HGF: variants seen among roughly 807,000 people sequenced by gnomAD.
The protein encoded by HGF is hepatocyte growth factor, also known as fibroblast-derived tumor cytotoxic factor.
A neutral mutation model predicts 111.6 loss-of-function variants in HGF; 39 were observed. That is an observed-to-expected ratio of 0.35 (90% confidence interval 0.27 to 0.46). The LOEUF is 0.46. Ranked by LOEUF, HGF falls within the 20% of genes least tolerant of loss-of-function variation. HGF has a pLI of 1.00. For missense variants in HGF, 735 were observed against 910.5 expected (o/e 0.81, Z 2.48); for synonymous variants, 285 against 294.8 (o/e 0.97, Z 0.34).
intron 7 of HGF, among the ~76,000 whole-genome samples, chr7:81,740,826 G>A (rs1184931622): frequency 6.6e-6 from 1 of 152,216 alleles, no homozygotes; most frequent in Non-Finnish European, 1.5e-5. Context: ...GACCTGAGGT[G>A]AGGTAGGCAC....
intron 1 of HGF, among the ~76,000 whole-genome samples, chr7:81,764,297 C>T (rs536014278): frequency 1.7e-3 from 256 of 152,194 alleles, no homozygotes; most frequent in African/African-American, 5.9e-3. Context: ...AGAGAAAACA[C>T]GAGGTCCTCT....
At chr7:81,763,416 T>C (rs1310219913) in intron 1 of HGF, among the ~76,000 whole-genome samples, 1 of 152,184 alleles carries the variant, frequency 6.6e-6, no homozygotes, top group Non-Finnish European at 1.5e-5. Flanking sequence ...CTTTAGTGCA[T>C]AAATGTTTTC....
rs541478062 is a variant in HGF at position 81,710,362 on chromosome 7, G to T, written c.1445-119C>A. On this transcript the variant is annotated intron_variant, in intron 12 of 17. Coordinates refer to ENST00000222390, the MANE Select transcript of HGF (RefSeq NM_000601.6). ...TGTAACTATTCTTATTGTGTCCAAA[G>T]AACAGTTTGGTGAAAGAGAAGTTTA... 1.1e-5 allele frequency: 8 copies of T among 743,270 alleles called. No individual in the cohort carries two copies. In the East Asian group the frequency reaches 1.9e-4, roughly 17 times the overall value. 46.0% of individuals were successfully genotyped at this position (743,270 alleles called of 1,614,324 possible). A position where few individuals can be genotyped will look rare whatever the true frequency, so the allele number is the denominator to read the frequency against.
rs1025835753 is a variant in HGF, at chr7:81,700,679, T to G, written c.*1902A>C. ...TCTTGAAATTTCTAGGAGTTCTTACTAAAATGGTGTATTATATAAGGAAAA... is the reference window on the plus strand; with the variant it reads ...TCTTGAAATTTCTAGGAGTTCTTACGAAAATGGTGTATTATATAAGGAAAA... On this transcript the variant is annotated 3_prime_UTR_variant, in exon 18 of 18. Transcript: ENST00000222390. 6.6e-6 allele frequency: 1 copy of G among 151,602 alleles called. No individual in the cohort carries two copies. Among genetic ancestry groups the G allele is most frequent in the African/African-American group, 2.4e-5 (1 of 41,398 alleles). The allele number at this position is 151,602 out of a possible 1,614,324, so 9.4% of individuals were successfully genotyped here.
chr7:81,722,148 C>G (rs1789881404), intron 9 of HGF, among the ~76,000 whole-genome samples: 1 of 151,944 alleles, frequency 6.6e-6, no homozygotes, highest in Non-Finnish European at 1.5e-5. Flanking sequence ...TCCTGTTATT[C>G]ATTTTGATGC....
Position 81,719,873 on chromosome 7 carries a change from T to C in HGF, c.1271+872A>G, listed in dbSNP as rs1480565327. 2.0e-5 allele frequency among the ~76,000 whole-genome samples: 3 copies of C among 152,184 alleles called. No individual in the cohort carries two copies. The East Asian group carries it at 5.8e-4, about 29-fold the overall frequency. On this transcript the variant is annotated intron_variant, in intron 10 of 17. Coordinates refer to ENST00000222390, the MANE Select transcript of HGF (RefSeq NM_000601.6). Reference sequence around the variant, plus strand: ...CACTCCATCTCTCTGAGCCCTTAAATTCCTATCCACATATGAATCTTTCCT... The same window carrying C: ...CACTCCATCTCTCTGAGCCCTTAAACTCCTATCCACATATGAATCTTTCCT...
chr7:81,703,754 G>A (rs531028113), intron 17 of HGF, among the ~76,000 whole-genome samples: 8 of 151,662 alleles, frequency 5.3e-5, no homozygotes, highest in East Asian at 1.9e-4. Context: ...CCTAAACAGC[G>A]ATGGGGGAAA....
At chr7:81,768,917 T>C (rs5745618) in intron 1 of HGF, among the ~76,000 whole-genome samples, 3 of 152,178 alleles carry the variant, frequency 2.0e-5, no homozygotes, top group Admixed American at 6.5e-5. Context: ...TATCAAAAAC[T>C]AGATCAAAGG....
At chr7:81,763,562 G>A (rs765003771) in intron 1 of HGF, among the ~76,000 whole-genome samples, 4 of 151,976 alleles carry the variant, frequency 2.6e-5, no homozygotes, top group Non-Finnish European at 5.9e-5. Context: ...AATACAAGGC[G>A]CCTAGATAGC....
chr7:81,725,263 C>G (rs1270607718), intron 9 of HGF, among the ~76,000 whole-genome samples: 1 of 152,196 alleles, frequency 6.6e-6, no homozygotes, highest in East Asian at 1.9e-4. Context: ...CTAATCTCAT[C>G]TCCTACTACT....
intron 10 of HGF, among the ~76,000 whole-genome samples, chr7:81,719,687 T>A (rs1458137132): frequency 2.0e-5 from 3 of 152,240 alleles, no homozygotes; most frequent in African/African-American, 7.2e-5. Flanking sequence ...TAACAGAACA[T>A]ATGTCGCTTA....
At chr7:81,759,728 TCTCCTGACCTCGTGATCTACCCGCCTCG>T (rs1194144366) in intron 2 of HGF, among the ~76,000 whole-genome samples, 1 of 151,768 alleles carries the variant, frequency 6.6e-6, no homozygotes, top group Non-Finnish European at 1.5e-5. Flanking sequence ...ATGGTCTTGA[TCTCCTGACCTCGTGATCTACCCGCCTCG>T]GCCTCCCAAA....
At chr7:81,708,228 CCT>C (rs1789478128) in intron 13 of HGF, among the ~76,000 whole-genome samples, 2 of 151,988 alleles carry the variant, frequency 1.3e-5, no homozygotes, top group African/African-American at 4.8e-5. Flanking sequence ...TAATTTCTAT[CCT>C]TTTCAGTATG....
chr7:81,761,256 T>C (rs1789062035), intron 2 of HGF, among the ~76,000 whole-genome samples: 2 of 152,168 alleles, frequency 1.3e-5, no homozygotes, highest in African/African-American at 2.4e-5. Context: ...AGAATTATCA[T>C]AGGAATATAC....
intron 7 of HGF, among the ~76,000 whole-genome samples, chr7:81,730,632 A>T (rs1193990451): frequency 1.7e-5 from 1 of 59,562 alleles, no homozygotes; most frequent in African/African-American, 5.7e-5. Context: ...ACCCTCAGTC[A>T]CTAAGTAATA....
intron 1 of HGF, among the ~76,000 whole-genome samples, chr7:81,768,979 T>C (rs1458456953): frequency 2.0e-5 from 3 of 152,152 alleles, no homozygotes; most frequent in African/African-American, 7.2e-5. Flanking sequence ...GTTCTCTTTT[T>C]TATATTGTAA....
intron 2 of HGF, among the ~76,000 whole-genome samples, 170 bp downstream of exon 2, chr7:81,762,535 CTA>C (rs1278556188): frequency 1.3e-5 from 2 of 152,172 alleles, no homozygotes; most frequent in Non-Finnish European, 2.9e-5. Context: ...CTTACTCAAG[CTA>C]TGTTTCCATA....
At chr7:81,756,151 T>G in intron 4 of HGF, 2 of 657,916 alleles carry the variant, frequency 3.0e-6, no homozygotes, top group South Asian at 3.3e-5. Flanking sequence ...TATAGAGTGA[T>G]GGTGACTGGG....
In HGF at chr7:81,760,680, CGTGTGTGTGTGTGTGTGTGT is replaced by C. The variant is rs55865050; in HGVS notation, c.255-1896_255-1877del. On this transcript the variant is annotated intron_variant, in intron 2 of 17. Transcript: ENST00000222390. ...ATACATATGTGTGTCTATGTGCGTG[CGTGTGTGTGTGTGTGTGTGT>C]GTGTGTGTGTGTGTGTGTGTGTGAA... Among the ~76,000 whole-genome samples, 88 of 139,564 alleles carry C rather than the reference CGTGTGTGTGTGTGTGTGTGT, an allele frequency of 6.3e-4. 1 individual carries two copies. The East Asian group carries it at 0.018, about 28-fold the overall frequency. 91.6% of individuals were successfully genotyped at this position (139,564 alleles called of 152,430 possible).
Sources: allele counts gnomAD v4.1 joint callset (sites outside exome capture counted in the v4.1 genomes callset), GRCh38; gene constraint gnomAD v4.1.1; transcripts MANE v1.5; gene names NCBI Gene and HGNC (gene_info 2026-07-23, HGNC 2026-07-21).